STS: variants seen among roughly 807,000 people sequenced by gnomAD.
The protein encoded by STS is steroid sulfatase.
A neutral mutation model predicts 26.8 loss-of-function variants in STS; 7 were observed. The observed-to-expected ratio is 0.26, with a 90% confidence interval of 0.15 to 0.49. STS has a LOEUF of 0.49. STS is among the 20% of genes least tolerant of loss of function. The pLI, the probability that STS is intolerant of heterozygous loss-of-function variation, is 0.98. For synonymous variants in STS, 199 were observed against 189.4 expected (o/e 1.05, Z -0.42); for missense variants, 434 against 465.6 (o/e 0.93, Z 0.63).
chrX:7,185,830 T>G (rs1195768136), intron 1 of STS, among the ~76,000 whole-genome samples: 1 of 112,458 alleles, frequency 8.9e-6, no homozygotes, highest in African/African-American at 3.2e-5. Context: ...ATAGGTAAAT[T>G]GAGTTAACAT....
At chrX:7,173,395 G>T (rs766420014) in intron 1 of STS, among the ~76,000 whole-genome samples, 1 of 111,607 alleles carries the variant, frequency 9.0e-6, no homozygotes, top group African/African-American at 3.3e-5. Context: ...GTGCTGCAGT[G>T]AACATACACG....
chrX:7,203,996 G>C (rs1934129248), intron 2 of STS, among the ~76,000 whole-genome samples: 1 of 111,121 alleles, frequency 9.0e-6, no homozygotes, highest in South Asian at 3.8e-4. Flanking sequence ...TCTTGCGCAG[G>C]CTGCTCTCAA....
chrX:7,159,017 T>C (rs901624426), intron 1 of STS, among the ~76,000 whole-genome samples: 1 of 111,956 alleles, frequency 8.9e-6, no homozygotes, highest in East Asian at 2.8e-4. Flanking sequence ...ACACTGCTAC[T>C]TTATATATTA....
chrX:7,174,109 C>T (rs1319037574), intron 1 of STS, among the ~76,000 whole-genome samples: 1 of 111,344 alleles, frequency 9.0e-6, no homozygotes, highest in Admixed American at 9.6e-5. Context: ...AATCACAAAA[C>T]CATAAAGCAT....
chrX:7,286,538 G>T (rs1313078076), intron 7 of STS, among the ~76,000 whole-genome samples: 1 of 110,876 alleles, frequency 9.0e-6, no homozygotes, highest in Non-Finnish European at 1.9e-5. Context: ...ATCTAGACAG[G>T]AGAGAAATGA....
chrX:7,316,175 C>T (rs1449605116), intron 8 of STS, among the ~76,000 whole-genome samples: 1 of 111,596 alleles, frequency 9.0e-6, no homozygotes, highest in Admixed American at 9.5e-5. Context: ...TTCTTGCAGA[C>T]AATATTAAGT....
At chrX:7,241,982 T>C (rs1366007085) in intron 2 of STS, among the ~76,000 whole-genome samples, 2 of 111,506 alleles carry the variant, frequency 1.8e-5, no homozygotes, top group African/African-American at 6.5e-5. Flanking sequence ...TCTTATAACA[T>C]GGGTCTCTCC....
intron 8 of STS, among the ~76,000 whole-genome samples, chrX:7,324,941 G>C (rs1397324234): frequency 9.0e-6 from 1 of 111,440 alleles, no homozygotes; most frequent in African/African-American, 3.3e-5. Flanking sequence ...CCAGGCTCCA[G>C]GCTCCAGGAA....
At chrX:7,313,308 C>T (rs1926567737) in intron 8 of STS, among the ~76,000 whole-genome samples, 1 of 112,095 alleles carries the variant, frequency 8.9e-6, no homozygotes, top group Non-Finnish European at 1.9e-5. Context: ...TTTTCCTTAC[C>T]TTAAGGCCAA....
chrX:7,249,827 C>T (rs1268357343), intron 2 of STS, among the ~76,000 whole-genome samples: 5 of 111,004 alleles, frequency 4.5e-5, no homozygotes. Flanking sequence ...CTAACCGATA[C>T]TGTATTACCT....
At chrX:7,250,202 A>G (rs1474687273) in intron 2 of STS, among the ~76,000 whole-genome samples, 1 of 111,042 alleles carries the variant, frequency 9.0e-6, no homozygotes, top group Non-Finnish European at 1.9e-5. Context: ...CACTGGGATT[A>G]TAGGTGTGAG....
At chrX:7,266,881 A>T (rs1352188217) in intron 6 of STS, among the ~76,000 whole-genome samples, 1 of 112,017 alleles carries the variant, frequency 8.9e-6, no homozygotes, top group East Asian at 2.8e-4. Context: ...GTTGCCAATT[A>T]TACGTCAGGT....
At chrX:7,326,493 G>A (rs1927482731) in intron 9 of STS, among the ~76,000 whole-genome samples, 1 of 111,614 alleles carries the variant, frequency 9.0e-6, no homozygotes, top group Non-Finnish European at 1.9e-5. Flanking sequence ...TCCACACTCA[G>A]CAGCCCTTTG....
At chrX:7,281,520 C>G (rs1412484008) in intron 7 of STS, among the ~76,000 whole-genome samples, 2 of 111,922 alleles carry the variant, frequency 1.8e-5, no homozygotes, top group Non-Finnish European at 3.8e-5. Flanking sequence ...GGGGATGTTA[C>G]AGAATGAATG....
At chrX:7,251,621 C>T (rs915511547) in intron 2 of STS, among the ~76,000 whole-genome samples, 6 of 111,283 alleles carry the variant, frequency 5.4e-5, no homozygotes, top group African/African-American at 2.0e-4. Flanking sequence ...TACACATGCA[C>T]GTAAGACACC....
chrX:7,300,388 A>G (rs149733921), intron 7 of STS, among the ~76,000 whole-genome samples: 416 of 112,230 alleles, frequency 3.7e-3, no homozygotes, highest in African/African-American at 0.013. Context: ...CTGAGAAATA[A>G]TATTTGCAGA....
intron 10 of STS, among the ~76,000 whole-genome samples, chrX:7,349,315 CCTTTTTTTTTTTTTTTTTTT>C (rs1928674396): frequency 1.5e-4 from 3 of 20,285 alleles, no homozygotes; most frequent in Non-Finnish European, 2.7e-4. Flanking sequence ...TCATTTAATT[CCTTTTTTTTTTTTTTTTTTT>C]TTTTTTTTTT....
At chrX:7,261,383 T>C (rs2147092141) in intron 6 of STS, among the ~76,000 whole-genome samples, 1 of 112,295 alleles carries the variant, frequency 8.9e-6, no homozygotes, top group South Asian at 3.7e-4. Flanking sequence ...GAAGTTATTG[T>C]GATGAAGGGA....
chrX:7,161,665 T>G (rs1933248235), intron 1 of STS, among the ~76,000 whole-genome samples: 1 of 112,301 alleles, frequency 8.9e-6, no homozygotes, highest in African/African-American at 3.2e-5. Flanking sequence ...TCAACATATT[T>G]CATGTACACA....
Sources: allele counts gnomAD v4.1 joint callset (sites outside exome capture counted in the v4.1 genomes callset), GRCh38; gene constraint gnomAD v4.1.1; transcripts MANE v1.5; gene names NCBI Gene and HGNC (gene_info 2026-07-23, HGNC 2026-07-21).